The following UBE3A variants were observed in gnomAD, a reference collection of about 807,000 sequenced individuals.
UBE3A encodes the protein ubiquitin protein ligase E3A, also known as ubiquitin-protein ligase E3A.
Under a neutral mutation model 83.4 loss-of-function variants are expected in UBE3A, and 6 were observed. The observed-to-expected ratio is 0.07, with a 90% CI of 0.04 to 0.14. UBE3A has a LOEUF of 0.14. UBE3A is among the 10% of genes least tolerant of loss of function. The pLI is 1.00. For missense variants in UBE3A, 456 were observed against 1,036.1 expected, an observed-to-expected ratio of 0.44 and a Z score of 7.69; for synonymous variants, 337 against 355.4, an observed-to-expected ratio of 0.95 and a Z score of 0.58.
At chr15:25,423,681 T>C (rs190016483) in intron 1 of UBE3A, among the ~76,000 whole-genome samples, 101 of 152,230 alleles carry the variant, frequency 6.6e-4, no homozygotes, top group Admixed American at 2.2e-3. Context: ...CTTTTTTCTG[T>C]TTTTCCTCTT....
At chr15:25,362,738 G>A (rs1348770631) in intron 6 of UBE3A, among the ~76,000 whole-genome samples, 1 of 152,176 alleles carries the variant, frequency 6.6e-6, no homozygotes, top group East Asian at 1.9e-4. Context: ...TAGCTCAAAT[G>A]TGGGACCAGG....
chr15:25,438,364 A>C (rs1285452429), intron 1 of UBE3A, 125 bp downstream of exon 1: 1 of 152,380 alleles, frequency 6.6e-6, no homozygotes, highest in African/African-American at 2.4e-5. Context: ...CGCGCCCCCA[A>C]ACACTCGCCT....
At chr15:25,406,901 T>C (rs2088736619) in intron 3 of UBE3A, among the ~76,000 whole-genome samples, 1 of 151,224 alleles carries the variant, frequency 6.6e-6, no homozygotes, top group East Asian at 1.9e-4. Flanking sequence ...ATATTTATTT[T>C]AGATCTTCTT....
chr15:25,340,000 G>A (rs2074468148), intron 12 of UBE3A, 85 bp downstream of exon 12: 1 of 1,548,520 alleles, frequency 6.5e-7, no homozygotes, highest in Non-Finnish European at 8.9e-7. Context: ...AATGTGCTCA[G>A]AAACTATAAA....
chr15:25,434,965 TACATAC>T (rs1348520328), intron 1 of UBE3A, among the ~76,000 whole-genome samples: 4 of 20,358 alleles, frequency 2.0e-4, no homozygotes, highest in African/African-American at 3.1e-4. Context: ...AAATTCTATA[TACATAC>T]ACACACACAC....
At chr15:25,355,797 A>G (rs2077142971) in intron 9 of UBE3A, 95 bp downstream of exon 9, 8 of 1,186,746 alleles carry the variant, frequency 6.7e-6, no homozygotes, top group Non-Finnish European at 8.3e-6. Context: ...TTTTTTTTGT[A>G]CAGACTATAT....
At chr15:25,376,060 T>C (rs1293463503) in intron 4 of UBE3A, among the ~76,000 whole-genome samples, 1 of 152,192 alleles carries the variant, frequency 6.6e-6, no homozygotes, top group African/African-American at 2.4e-5. Flanking sequence ...GTATATGTGC[T>C]TAAGTTGTTT....
rs1308732576 is a variant in UBE3A at position 25,337,564 on chromosome 15, A to G, written c.*1573T>C. ...TCTGTCTCAATTATGAAAAAAATTA[A>G]TTAAAATAATCCTGAAAGACATCCT... On this transcript the variant is annotated 3_prime_UTR_variant, in exon 13 of 13. Transcript: ENST00000648336. 2 of 152,172 alleles carry G rather than the reference A, an allele frequency of 1.3e-5. No individual in the cohort carries two copies. Among genetic ancestry groups the G allele is most frequent in the Non-Finnish European group, 2.9e-5 (2 of 68,016 alleles). The allele number at this position is 152,172 out of a possible 1,614,324, so 9.4% of individuals were successfully genotyped here.
chr15:25,375,819 A>G, intron 4 of UBE3A, 56 bp from the exon 5 acceptor site: 3 of 1,591,854 alleles, frequency 1.9e-6, no homozygotes, highest in East Asian at 2.2e-5. Context: ...TCAAGTACAA[A>G]GCTCAACATA....
intron 1 of UBE3A, chr15:25,415,752 T>C (rs1463790128): frequency 6.6e-6 from 1 of 151,796 alleles, no homozygotes; most frequent in African/African-American, 2.4e-5. Flanking sequence ...GTGCCTCTAG[T>C]TGTAAGCTGA....
At chr15:25,347,969 G>A (rs1162432335) in intron 11 of UBE3A, among the ~76,000 whole-genome samples, 1 of 151,880 alleles carries the variant, frequency 6.6e-6, no homozygotes, top group African/African-American at 2.4e-5. Flanking sequence ...GTTTACAAGA[G>A]ATTCGTTTCA....
chr15:25,431,825 G>T (rs751851336), intron 1 of UBE3A, among the ~76,000 whole-genome samples: 2 of 152,026 alleles, frequency 1.3e-5, no homozygotes, highest in African/African-American at 4.8e-5. Flanking sequence ...AAAATATTTA[G>T]CAAAGATAAT....
intron 11 of UBE3A, among the ~76,000 whole-genome samples, chr15:25,353,645 C>G (rs2076827076): frequency 6.6e-6 from 1 of 152,182 alleles, no homozygotes; most frequent in African/African-American, 2.4e-5. Context: ...ATACTTGAGT[C>G]TTAGAGCAAT....
At chr15:25,391,655 G>C (rs748230541) in intron 4 of UBE3A, 5 of 152,122 alleles carry the variant, frequency 3.3e-5, no homozygotes, top group Non-Finnish European at 5.9e-5. Context: ...AGCAGTACAT[G>C]TCAGGAACAA....
chr15:25,340,116 T>C lies in UBE3A; in HGVS notation c.2467A>G (p.Ile823Val). The C allele has an allele frequency of 6.2e-7, 1 of 1,614,094 alleles. No individual in the cohort carries two copies. The change falls in exon 12 of 13, where the codon ATT becomes GTT. Residue 823 changes from isoleucine (I) to valine (V), a missense_variant. By Grantham distance (29) the Ile-to-Val change is conservative. Around this residue, in one of 13 missense-constraint regions of UBE3A, gnomAD observed 82 missense variants for 199.3 expected, o/e 0.41. Transcript: ENST00000648336. ...GTGTCTGGGCCATTTTTGGCTATAATCATCTTTAATTTTCCTAGTCCTCCC... is the reference window on the plus strand; with the variant it reads ...GTGTCTGGGCCATTTTTGGCTATAACCATCTTTAATTTTCCTAGTCCTCCC... ...PVGGLGKLKMIIAKNGPDTER... is the reference protein window; with the variant it reads ...PVGGLGKLKMVIAKNGPDTER...
At chr15:25,378,054 A>G (rs1274997310) in intron 4 of UBE3A, among the ~76,000 whole-genome samples, 1 of 152,206 alleles carries the variant, frequency 6.6e-6, no homozygotes, top group African/African-American at 2.4e-5. Flanking sequence ...CATATTAAAA[A>G]TTAATAACTA....
chr15:25,344,225 T>C (rs959029368), intron 11 of UBE3A, among the ~76,000 whole-genome samples: 2 of 152,142 alleles, frequency 1.3e-5, no homozygotes, highest in African/African-American at 4.8e-5. Flanking sequence ...CCCATAAATA[T>C]TGATAAGCTA....
At chr15:25,398,814 TAAAAATAC>T (rs1567069150) in intron 4 of UBE3A, among the ~76,000 whole-genome samples, 20 of 59,196 alleles carry the variant, frequency 3.4e-4, no homozygotes, top group East Asian at 8.0e-3. Flanking sequence ...TATATATATA[TAAAAATAC>T]ATATATATCC....
intron 5 of UBE3A, chr15:25,373,983 C>T (rs146789977): frequency 2.6e-5 from 4 of 152,242 alleles, no homozygotes; most frequent in East Asian, 1.9e-4. Context: ...AAACCTCCTA[C>T]GCAAAAACAG....
Sources: allele counts gnomAD v4.1 joint callset (sites outside exome capture counted in the v4.1 genomes callset), GRCh38; gene constraint gnomAD v4.1.1; regional missense constraint gnomAD v4.1.1; transcripts MANE v1.5; gene names NCBI Gene and HGNC (gene_info 2026-07-23, HGNC 2026-07-21).